CSMD1: variants seen among roughly 807,000 people sequenced by gnomAD.
CSMD1 encodes CUB and Sushi multiple domains 1, also known as CUB and sushi domain-containing protein 1.
In CSMD1, 213 loss-of-function variants were observed where a neutral mutation model predicts 417.5. The observed-to-expected ratio is 0.51, with a 90% CI of 0.46 to 0.57. CSMD1 has a LOEUF of 0.57. Among genes scored for constraint, CSMD1 ranks in the 20% least tolerant of loss-of-function variants. The pLI, the probability that CSMD1 is intolerant of heterozygous loss-of-function variation, is 0.00. For missense variants in CSMD1, 6,923 were observed against 4,529.7 expected, an observed-to-expected ratio of 1.53 and a Z score of -15.17; for synonymous variants, 2,862 against 1,736.8, an observed-to-expected ratio of 1.65 and a Z score of -16.11.
chr8:4,076,324 CT>C (rs1799820193), intron 3 of CSMD1, among the ~76,000 whole-genome samples: 2 of 152,304 alleles, frequency 1.3e-5, no homozygotes, highest in South Asian at 4.1e-4. Flanking sequence ...GCCTCCCAGC[CT>C]TGCAGAACTG....
In CSMD1 at chr8:2,938,171, G is replaced by T. The variant is rs1477217037; in HGVS notation, c.*414C>A. 6.2e-6 allele frequency: 1 copy of T among 160,870 alleles called. No individual in the cohort carries two copies. The highest frequency in any genetic ancestry group is 1.3e-5 in the Non-Finnish European group (1 of 74,156). The allele number at this position is 160,870 out of a possible 1,614,324, so 10.0% of individuals were successfully genotyped here. On this transcript the variant is annotated 3_prime_UTR_variant, in exon 70 of 70. Transcript: ENST00000635120. ...GGTTTAAAAAGGAAAAACAACACAA[G>T]AGAACACATATCGTGGTGCCACCAT...
intron 5 of CSMD1, among the ~76,000 whole-genome samples, chr8:3,955,599 C>G (rs1256904955): frequency 6.6e-6 from 1 of 152,078 alleles, no homozygotes; most frequent in African/African-American, 2.4e-5. Flanking sequence ...CTGCCCTGCT[C>G]CATTTTGTAG....
chr8:3,619,967 T>C (rs1367843768), intron 7 of CSMD1, among the ~76,000 whole-genome samples: 1 of 152,138 alleles, frequency 6.6e-6, no homozygotes, highest in Admixed American at 6.6e-5. Flanking sequence ...CCAGGCATGG[T>C]GGCAGGCACC....
intron 36 of CSMD1, chr8:3,182,986 C>G (rs896905650): frequency 4.2e-5 from 6 of 143,646 alleles, no homozygotes; most frequent in Non-Finnish European, 9.0e-5. Flanking sequence ...TCTCGATCAA[C>G]TGACCTCGTG....
intron 23 of CSMD1, among the ~76,000 whole-genome samples, chr8:3,321,261 G>A (rs894474660): frequency 1.3e-5 from 2 of 152,138 alleles, no homozygotes; most frequent in Non-Finnish European, 2.9e-5. Flanking sequence ...ACCATGGTGA[G>A]TATTCACCCT....
At chr8:4,776,643 G>A (rs981113205) in intron 1 of CSMD1, among the ~76,000 whole-genome samples, 1 of 152,098 alleles carries the variant, frequency 6.6e-6, no homozygotes, top group Non-Finnish European at 1.5e-5. Flanking sequence ...TTAAATAGGG[G>A]GGTTGTGAAC....
chr8:3,199,249 C>T (rs1796863617), intron 33 of CSMD1, among the ~76,000 whole-genome samples: 2 of 152,132 alleles, frequency 1.3e-5, no homozygotes, highest in African/African-American at 2.4e-5. Context: ...ATAAGAGATG[C>T]ATGCGTGATA....
At chr8:4,857,330 G>A (rs561910862) in intron 1 of CSMD1, among the ~76,000 whole-genome samples, 2 of 150,600 alleles carry the variant, frequency 1.3e-5, no homozygotes, top group African/African-American at 4.9e-5. Flanking sequence ...ATCCAAAATT[G>A]ACACCCTAAC....
chr8:4,777,074 A>C (rs1422549378), intron 1 of CSMD1, among the ~76,000 whole-genome samples: 1 of 152,198 alleles, frequency 6.6e-6, no homozygotes, highest in Non-Finnish European at 1.5e-5. Context: ...TACTGAAAAC[A>C]TTTTATTTAG....
At chr8:4,091,157 G>A (rs1402216163) in intron 3 of CSMD1, among the ~76,000 whole-genome samples, 1 of 152,024 alleles carries the variant, frequency 6.6e-6, no homozygotes, top group East Asian at 1.9e-4. Flanking sequence ...GACCTCAAGT[G>A]ATCCACATGG....
At chr8:3,132,282 CT>C (rs879759702) in intron 41 of CSMD1, among the ~76,000 whole-genome samples, 1,478 of 144,968 alleles carry the variant, frequency 0.01, 19 homozygotes, top group African/African-American at 0.029. Flanking sequence ...ACCCATGTAT[CT>C]TTTTTTTTTT....
chr8:3,987,234 A>AAAGGCTAC (rs1814402444), intron 5 of CSMD1, among the ~76,000 whole-genome samples: 1 of 151,984 alleles, frequency 6.6e-6, no homozygotes, highest in Non-Finnish European at 1.5e-5. Flanking sequence ...TCTTCCTGTG[A>AAAGGCTAC]ACATGCTTCC....
At chr8:3,778,690 G>T (rs1649581396) in intron 5 of CSMD1, among the ~76,000 whole-genome samples, 1 of 152,170 alleles carries the variant, frequency 6.6e-6, no homozygotes, top group Admixed American at 6.5e-5. Flanking sequence ...TTTCAGAGCT[G>T]GCCAAAGATC....
chr8:3,394,673 T>G (rs1222943489), intron 17 of CSMD1, among the ~76,000 whole-genome samples: 1 of 152,128 alleles, frequency 6.6e-6, no homozygotes, highest in Non-Finnish European at 1.5e-5. Context: ...ACAAGGCTTA[T>G]TAGGGATCTT....
intron 25 of CSMD1, among the ~76,000 whole-genome samples, chr8:3,287,076 A>G (rs1213157418): frequency 9.9e-5 from 15 of 152,130 alleles, no homozygotes; most frequent in Non-Finnish European, 1.8e-4. Context: ...TTTATTAAAT[A>G]GGGAATGCTT....
At chr8:4,019,679 T>C (rs1796694160) in intron 4 of CSMD1, among the ~76,000 whole-genome samples, 1 of 152,206 alleles carries the variant, frequency 6.6e-6, no homozygotes. Context: ...TTGTCTGAGA[T>C]AATGCTGCTC....
At chr8:3,024,912 G>A (rs1445422907) in intron 51 of CSMD1, among the ~76,000 whole-genome samples, 1 of 152,238 alleles carries the variant, frequency 6.6e-6, no homozygotes, top group African/African-American at 2.4e-5. Flanking sequence ...TCCCTCCACT[G>A]CTTTGTGTAC....
intron 1 of CSMD1, among the ~76,000 whole-genome samples, chr8:4,988,771 A>C (rs935999054): frequency 6.6e-6 from 1 of 152,252 alleles, no homozygotes; most frequent in Non-Finnish European, 1.5e-5. Flanking sequence ...ATTGCAACTG[A>C]GCTCAGAAAA....
intron 59 of CSMD1, 24 bp from the exon 60 acceptor site, chr8:2,963,419 T>C: frequency 6.2e-7 from 1 of 1,606,878 alleles, no homozygotes; most frequent in Non-Finnish European, 8.5e-7. Context: ...ACAAACAAGA[T>C]CAACATTCCG....
Sources: gnomAD v4.1 joint callset for allele counts (sites outside exome capture counted in the v4.1 genomes callset) on GRCh38, gnomAD v4.1.1 for gene constraint, MANE v1.5 for transcripts, NCBI Gene and HGNC (gene_info 2026-07-23, HGNC 2026-07-21) for gene names.